GSK3B: variants seen among roughly 807,000 people sequenced by gnomAD.
The protein encoded by GSK3B is glycogen synthase kinase-3 beta.
GSK3B carries 15 observed loss-of-function variants against 56.4 expected under a neutral mutation model. The ratio of observed to expected loss-of-function variants is 0.27; its 90% CI spans 0.18 to 0.41. The LOEUF is 0.41. GSK3B is among the 10% of genes least tolerant of loss of function. GSK3B has a pLI of 1.00. For synonymous variants in GSK3B, 181 were observed against 188.9 expected (o/e 0.96, Z 0.34); for missense variants, 300 against 513.4 (o/e 0.58, Z 4.02).
At chr3:120,054,195 G>A (rs2058174173) in intron 1 of GSK3B, among the ~76,000 whole-genome samples, 1 of 152,064 alleles carries the variant, frequency 6.6e-6, no homozygotes, top group Non-Finnish European at 1.5e-5. Flanking sequence ...TCAAGATGAT[G>A]GTATTTTATC....
chr3:119,994,309 T>C (rs918959322), intron 2 of GSK3B, among the ~76,000 whole-genome samples: 20 of 152,240 alleles, frequency 1.3e-4, no homozygotes, highest in African/African-American at 4.6e-4. Context: ...AGGGAAAAGC[T>C]TTCCTCATAA....
At chr3:120,083,773 TAAAC>T (rs2058441389) in intron 1 of GSK3B, among the ~76,000 whole-genome samples, 2 of 152,088 alleles carry the variant, frequency 1.3e-5, no homozygotes, top group Non-Finnish European at 2.9e-5. Flanking sequence ...CATCAACTAA[TAAAC>T]AAATCGCAGG....
At chr3:120,054,042 G>A (rs191626853) in intron 1 of GSK3B, among the ~76,000 whole-genome samples, 66 of 152,056 alleles carry the variant, frequency 4.3e-4, no homozygotes, top group South Asian at 2.5e-3. Flanking sequence ...CTTTGATACC[G>A]GCAGTACAAT....
intron 1 of GSK3B, among the ~76,000 whole-genome samples, chr3:120,076,853 T>C (rs1357219774): frequency 8.5e-6 from 1 of 117,524 alleles, no homozygotes; most frequent in African/African-American, 3.2e-5. Context: ...GCAAAGGAGG[T>C]GAATAGACAT....
At chr3:119,948,753 C>T (rs949029709) in intron 2 of GSK3B, among the ~76,000 whole-genome samples, 2 of 152,198 alleles carry the variant, frequency 1.3e-5, no homozygotes, top group African/African-American at 4.8e-5. Context: ...GGCTGGAGTG[C>T]AATGGCGTGA....
chr3:120,033,437 G>C (rs2057994896), intron 1 of GSK3B, among the ~76,000 whole-genome samples: 1 of 152,186 alleles, frequency 6.6e-6, no homozygotes, highest in South Asian at 2.1e-4. Context: ...CATTCCCACA[G>C]CAGTGTACGA....
chr3:120,053,465 G>A (rs1406612425), intron 1 of GSK3B, among the ~76,000 whole-genome samples: 1 of 152,174 alleles, frequency 6.6e-6, no homozygotes, highest in Non-Finnish European at 1.5e-5. Context: ...TTGGTAATGT[G>A]GATTTCCCAT....
chr3:119,870,664 G>A (rs1266374351), intron 8 of GSK3B, among the ~76,000 whole-genome samples: 4 of 152,196 alleles, frequency 2.6e-5, no homozygotes, highest in African/African-American at 9.7e-5. Context: ...GCTTTAGAAA[G>A]GGAGAGGAAG....
intron 6 of GSK3B, among the ~76,000 whole-genome samples, chr3:119,907,527 C>T (rs540729989): frequency 8.5e-5 from 13 of 152,208 alleles, no homozygotes; most frequent in Non-Finnish European, 1.6e-4. Flanking sequence ...ATCTCTTCTG[C>T]TCTTACTTCA....
At chr3:119,934,247 T>C (rs1035652276) in intron 3 of GSK3B, among the ~76,000 whole-genome samples, 11 of 152,198 alleles carry the variant, frequency 7.2e-5, no homozygotes, top group Non-Finnish European at 1.5e-4. Context: ...ATCAGTCAGG[T>C]GTTGAAAGTC....
intron 1 of GSK3B, chr3:120,041,479 T>C (rs2058064717): frequency 4.0e-6 from 1 of 250,154 alleles, no homozygotes. Flanking sequence ...ATCCTCAATG[T>C]GATCATTGTT....
chr3:119,876,635 T>C, intron 7 of GSK3B, 127 bp from the exon 8 acceptor site: 3 of 631,416 alleles, frequency 4.8e-6, no homozygotes, highest in Non-Finnish European at 8.5e-6. Context: ...ACTCATTAAA[T>C]AGAGCAGTGC....
intron 8 of GSK3B, among the ~76,000 whole-genome samples, chr3:119,865,468 T>TATATATATATA (rs1559814399): frequency 1.8e-4 from 4 of 22,052 alleles, no homozygotes; most frequent in African/African-American, 4.3e-4. Context: ...ATATATATAT[T>TATATATATATA]TTTTTTTTTT....
chr3:119,992,882 C>T (rs945013673), intron 2 of GSK3B, among the ~76,000 whole-genome samples: 15 of 151,806 alleles, frequency 9.9e-5, no homozygotes, highest in African/African-American at 3.4e-4. Flanking sequence ...TAATGAGATA[C>T]CATTTCTCAC....
At chr3:119,867,873 C>T (rs2056203103) in intron 8 of GSK3B, among the ~76,000 whole-genome samples, 1 of 152,020 alleles carries the variant, frequency 6.6e-6, no homozygotes, top group Admixed American at 6.6e-5. Context: ...TCTGGCCCAT[C>T]AGAATAAATT....
At chr3:120,038,475 C>G (rs1256430963) in intron 1 of GSK3B, among the ~76,000 whole-genome samples, 1 of 152,102 alleles carries the variant, frequency 6.6e-6, no homozygotes, top group Admixed American at 6.5e-5. Flanking sequence ...CTACAGTCAG[C>G]TGTGATCAAG....
intron 2 of GSK3B, among the ~76,000 whole-genome samples, chr3:119,986,808 T>C (rs1332856694): frequency 6.6e-6 from 1 of 152,196 alleles, no homozygotes; most frequent in Non-Finnish European, 1.5e-5. Context: ...AGAATTACCA[T>C]TTGACCCAGC....
At chr3:119,939,742 A>G (rs1032990860) in intron 3 of GSK3B, among the ~76,000 whole-genome samples, 4 of 152,186 alleles carry the variant, frequency 2.6e-5, no homozygotes, top group African/African-American at 7.2e-5. Context: ...GGTCTAGCAT[A>G]ACATCCAGGT....
chr3:119,839,450 T>C (rs926245187), intron 10 of GSK3B, among the ~76,000 whole-genome samples: 4 of 152,170 alleles, frequency 2.6e-5, no homozygotes, highest in Non-Finnish European at 5.9e-5. Context: ...CATTCTTGTT[T>C]AAGCCAGCTA....
Sources: gnomAD v4.1 joint callset for allele counts (sites outside exome capture counted in the v4.1 genomes callset) on GRCh38, gnomAD v4.1.1 for gene constraint, MANE v1.5 for transcripts, NCBI Gene and HGNC (gene_info 2026-07-23, HGNC 2026-07-21) for gene names.